ADAMTS20: variants seen among roughly 807,000 people sequenced by gnomAD.
ADAMTS20 encodes A disintegrin and metalloproteinase with thrombospondin motifs 20.
In ADAMTS20, 225 loss-of-function variants were observed where a neutral mutation model predicts 260.1. That is an observed-to-expected ratio of 0.87 (90% CI 0.78 to 0.97). The LOEUF (loss-of-function observed/expected upper bound fraction) is 0.97, where lower values mean the gene tolerates loss of function less well. ADAMTS20 is among the 50% of genes least tolerant of loss of function. The pLI is 0.00. For missense variants in ADAMTS20, 2,400 were observed against 2,337.7 expected (o/e 1.03, Z -0.55); for synonymous variants, 802 against 769.5 (o/e 1.04, Z -0.70).
Position 43,492,519 on chromosome 12 carries a change from A to G in ADAMTS20, c.1062T>C (p.Ala354=). Reference sequence around the variant, plus strand: ...TATAATCATACCTAGTGATAAGAACAGCAGTGTCATGGTGGGAAGGGTGAA... The same window carrying G: ...TATAATCATACCTAGTGATAAGAACGGCAGTGTCATGGTGGGAAGGGTGAA... ...DDVHPSHHDT[A]VLITREDICS... The change falls in exon 6 of 39, where the codon GCT becomes GCC. Residue 354 remains alanine, a synonymous_variant. Transcript: ENST00000389420. 2.5e-6 allele frequency: 4 copies of G among 1,613,922 alleles called. No individual in the cohort carries two copies. The highest frequency in any genetic ancestry group is 3.4e-6 in the Non-Finnish European group (4 of 1,179,812).
intron 28 of ADAMTS20, among the ~76,000 whole-genome samples, chr12:43,417,937 A>G (rs1381198951): frequency 1.3e-5 from 2 of 152,208 alleles, no homozygotes; most frequent in Non-Finnish European, 2.9e-5. Flanking sequence ...ACTCTATCAT[A>G]CGTATAACTC....
At chr12:43,510,028 C>A (rs2137461245) in intron 3 of ADAMTS20, among the ~76,000 whole-genome samples, 1 of 151,978 alleles carries the variant, frequency 6.6e-6, no homozygotes, top group East Asian at 1.9e-4. Context: ...AAATAAGAAA[C>A]CAATTAAGAC....
chr12:43,354,269 T>A lies in ADAMTS20; in HGVS notation c.5673A>T (p.Gly1891=). ...EDGTRFFGKC[G]GYCGKCLPHM... is the part of the protein sequence containing the mutation. ...GAGGAAGACACTTTCCACAGTACCCTCCACATTTGCCGAAAAATCTAGTTC... is the reference window on the plus strand; with the variant it reads ...GAGGAAGACACTTTCCACAGTACCCACCACATTTGCCGAAAAATCTAGTTC... The change falls in exon 39 of 39, where the codon GGA becomes GGT. Residue 1891 remains glycine, a synonymous_variant. Transcript: ENST00000389420. 6.3e-7 allele frequency: 1 copy of A among 1,592,756 alleles called. No individual in the cohort carries two copies. Among genetic ancestry groups the A allele is most frequent in the Non-Finnish European group, 8.6e-7 (1 of 1,168,280 alleles).
intron 2 of ADAMTS20, among the ~76,000 whole-genome samples, chr12:43,549,480 T>C (rs1388251780): frequency 6.6e-5 from 10 of 152,086 alleles, no homozygotes; most frequent in Admixed American, 6.5e-4. Context: ...TACTGAATAA[T>C]AATTTAACTA....
chr12:43,528,672 T>C (rs1162842724), intron 3 of ADAMTS20, among the ~76,000 whole-genome samples: 3 of 151,926 alleles, frequency 2.0e-5, no homozygotes, highest in Non-Finnish European at 4.4e-5. Flanking sequence ...TGGATTAAAG[T>C]CTTAAATCTA....
chr12:43,522,695 A>G (rs905470496), intron 3 of ADAMTS20, among the ~76,000 whole-genome samples: 8 of 152,022 alleles, frequency 5.3e-5, no homozygotes, highest in Admixed American at 2.0e-4. Context: ...TTTATTTTGT[A>G]TAGTTTTGTT....
Position 43,398,648 on chromosome 12 carries a change from A to G in ADAMTS20, c.4452+418T>C, listed in dbSNP as rs528841654. Among the ~76,000 whole-genome samples the G allele has an allele frequency of 2.0e-5, 3 of 152,314 alleles. No individual in the cohort carries two copies. The East Asian group carries it at 5.8e-4, about 29-fold the overall frequency. On this transcript the variant is annotated intron_variant, in intron 29 of 38. Transcript: ENST00000389420. ...TTTCTGTTAGCCTGCATAGAATACTATTATGATTATCAGTAGCCTCTGCTA... is the reference window on the plus strand; with the variant it reads ...TTTCTGTTAGCCTGCATAGAATACTGTTATGATTATCAGTAGCCTCTGCTA...
At chr12:43,408,965 G>A in intron 28 of ADAMTS20, among the ~76,000 whole-genome samples, 1 of 152,114 alleles carries the variant, frequency 6.6e-6, no homozygotes, top group East Asian at 1.9e-4. Flanking sequence ...GATAATGTAT[G>A]AAGAAACCTG....
At chr12:43,451,494 A>C (rs1236206004) in intron 14 of ADAMTS20, among the ~76,000 whole-genome samples, 1 of 152,064 alleles carries the variant, frequency 6.6e-6, no homozygotes, top group Non-Finnish European at 1.5e-5. Flanking sequence ...GTTAAGAAAA[A>C]AAAAAAGTGC....
At chr12:43,456,317 TAACA>T (rs1356765356) in intron 11 of ADAMTS20, among the ~76,000 whole-genome samples, 1 of 152,172 alleles carries the variant, frequency 6.6e-6, no homozygotes, top group African/African-American at 2.4e-5. Flanking sequence ...TTATTCTCAT[TAACA>T]TACAAACACA....
In ADAMTS20 at chr12:43,455,022, G is replaced by C. The variant is rs112736483; in HGVS notation, c.1615-970C>G. Among the ~76,000 whole-genome samples the C allele has an allele frequency of 5.8e-3, 887 of 152,164 alleles. 6 individuals carry two copies. Among genetic ancestry groups the C allele is most frequent in the Admixed American group, 9.8e-3 (149 of 15,272 alleles). On this transcript the variant is annotated intron_variant, in intron 11 of 38. Transcript: ENST00000389420. ...AACTTTTCCATCTTGCAAAACTGAA[G>C]CCCTATACCCATTAAATGACAACTC...
Position 43,466,642 on chromosome 12 carries a change from A to G in ADAMTS20, c.1367+10T>C. 6.3e-7 allele frequency: 1 copy of G among 1,598,664 alleles called. No homozygotes were observed. ...ATACATGTTCAATTATTTAACATAAATTTACTTACTCTAGGAATTCAGTAA... is the reference window on the plus strand; with the variant it reads ...ATACATGTTCAATTATTTAACATAAGTTTACTTACTCTAGGAATTCAGTAA... On this transcript the variant is annotated intron_variant, in intron 9 of 38. Transcript: ENST00000389420.
chr12:43,478,307 G>C (rs575864130), intron 7 of ADAMTS20, among the ~76,000 whole-genome samples: 1 of 151,922 alleles, frequency 6.6e-6, no homozygotes, highest in African/African-American at 2.4e-5. Context: ...GCTAAAGAGA[G>C]AGCCAAATAT....
chr12:43,405,229 C>CCAAAAAAAAAAAAAAAAAAAAA lies in ADAMTS20; in HGVS notation c.4285-5997_4285-5996insTTTTTTTTTTTTTTTTTTTTTG, dbSNP rs1410899520. Among the ~76,000 whole-genome samples the CCAAAAAAAAAAAAAAAAAAAAA allele has an allele frequency of 1.3e-4, 7 of 52,790 alleles. 3 individuals are homozygous for CCAAAAAAAAAAAAAAAAAAAAA. In the East Asian group the frequency reaches 2.0e-3, roughly 15 times the overall value. 34.6% of individuals were successfully genotyped at this position (52,790 alleles called of 152,430 possible). On this transcript the variant is annotated intron_variant, in intron 28 of 38. Coordinates refer to ENST00000389420, the MANE Select transcript of ADAMTS20 (RefSeq NM_025003.5). ...GTAACAAAATGAGACCTCATCTCTA[C>CCAAAAAAAAAAAAAAAAAAAAA]AAAAAAAAAAAAAAAAAAAAAAAAA... is the stretch of plus-strand genomic sequence containing the variant.
At chr12:43,544,381 T>A (rs779343649) in intron 2 of ADAMTS20, among the ~76,000 whole-genome samples, 19 of 152,234 alleles carry the variant, frequency 1.2e-4, no homozygotes, top group Admixed American at 3.9e-4. Flanking sequence ...TTACTCATAA[T>A]GTGTTGCTCA....
chr12:43,383,458 C>T, intron 31 of ADAMTS20, 100 bp downstream of exon 31: 1 of 1,208,442 alleles, frequency 8.3e-7, no homozygotes, highest in Non-Finnish European at 1.1e-6. Context: ...ATCATCTGCC[C>T]TCATATTCAA....
intron 28 of ADAMTS20, among the ~76,000 whole-genome samples, chr12:43,404,441 A>T (rs969025356): frequency 2.0e-5 from 3 of 152,180 alleles, no homozygotes; most frequent in Non-Finnish European, 4.4e-5. Flanking sequence ...CATAGTAATG[A>T]TCATCCTCAA....
intron 3 of ADAMTS20, among the ~76,000 whole-genome samples, chr12:43,521,541 G>T (rs1354059742): frequency 6.6e-6 from 1 of 152,050 alleles, no homozygotes; most frequent in Non-Finnish European, 1.5e-5. Context: ...TTGATAAGAT[G>T]GCTTTTTTCT....
intron 29 of ADAMTS20, among the ~76,000 whole-genome samples, chr12:43,397,684 G>A (rs1208732233): frequency 1.3e-5 from 2 of 152,110 alleles, no homozygotes; most frequent in Admixed American, 6.5e-5. Flanking sequence ...ATGACCTCTG[G>A]TAAAGCATGA....
Sources: allele counts gnomAD v4.1 joint callset (sites outside exome capture counted in the v4.1 genomes callset), GRCh38; gene constraint gnomAD v4.1.1; transcripts MANE v1.5; gene names NCBI Gene and HGNC (gene_info 2026-07-23, HGNC 2026-07-21).